Variants in DNHD1 observed in about 807,000 individuals in gnomAD.
DNHD1 encodes the protein dynein heavy chain domain 1.
In DNHD1, 383 loss-of-function variants were observed where a neutral mutation model predicts 458.1. That is an observed-to-expected ratio of 0.84 (90% CI 0.77 to 0.91). The LOEUF (loss-of-function observed/expected upper bound fraction) is 0.91. DNHD1 is among the 40% of genes least tolerant of loss of function. The probability of loss-of-function intolerance (pLI) is 0.00; values close to 1 mark genes in which losing one functional copy is unlikely to be tolerated. For synonymous variants in DNHD1, 2,203 were observed against 2,376.9 expected (o/e 0.93, Z 2.13); for missense variants, 5,336 against 5,866.1 (o/e 0.91, Z 2.95).
At chr11:6,570,197 T>C in intron 40 of DNHD1, 50 bp from the exon 41 acceptor site, 3 of 1,613,640 alleles carry the variant, frequency 1.9e-6, no homozygotes, top group Non-Finnish European at 2.5e-6. Flanking sequence ...GTTTTGGCGG[T>C]GGTGGAAACT....
In DNHD1 at chr11:6,571,262, T is replaced by G; in HGVS notation, c.13750T>G (p.Ser4584Ala). 1.2e-6 allele frequency: 2 copies of G among 1,612,640 alleles called. No individual in the cohort carries two copies. Among genetic ancestry groups the G allele is most frequent in the Non-Finnish European group, 8.5e-7 (1 of 1,179,716 alleles). Residue 4584 changes from serine to alanine, a missense_variant, in exon 42 of 43, where the codon TCA (serine) becomes GCA (alanine). By Grantham distance (99) the Ser-to-Ala change is moderately conservative. This residue lies in a region of DNHD1 where 698 missense variants were observed against 664.9 expected (regional missense o/e 1.05). Transcript: ENST00000254579. This position sits in a 1 kb window ranked among gnomAD's most constrained non-coding sequence, Gnocchi z 5.0. ...SDVPERVFHLSAFRHPRRLLL... is the reference protein window; with the variant it reads ...SDVPERVFHLAAFRHPRRLLL... ...TGTACCAGAGCGCGTCTTCCACCTGTCAGCCTTTCGCCACCCGCGCCGCCT... is the reference window on the plus strand; with the variant it reads ...TGTACCAGAGCGCGTCTTCCACCTGGCAGCCTTTCGCCACCCGCGCCGCCT...
At chr11:6,542,884 G>T (rs545153186) in intron 18 of DNHD1, among the ~76,000 whole-genome samples, 1 of 152,292 alleles carries the variant, frequency 6.6e-6, no homozygotes, top group South Asian at 2.1e-4. Context: ...ACACAGCTTG[G>T]ATCTAGGTCA....
chr11:6,539,963 C>T lies in DNHD1; in HGVS notation c.3508C>T (p.Leu1170Phe). The change falls in exon 18 of 43, where the codon CTC becomes TTC. Residue 1170 changes from leucine to phenylalanine, a missense_variant. Coordinates refer to ENST00000254579, the MANE Select transcript of DNHD1 (RefSeq NM_144666.3). ...CTGGGAAGCGCGCCAGCTGCGCCTGCTCAACTTCATCCTGCATGTACCCTA... is the reference window on the plus strand; with the variant it reads ...CTGGGAAGCGCGCCAGCTGCGCCTGTTCAACTTCATCCTGCATGTACCCTA... ...RYWEARQLRL[L>F]NFILHVPYEP... is the part of the protein sequence containing the mutation. 1 of 1,551,754 alleles carries T rather than the reference C, an allele frequency of 6.4e-7. No individual in the cohort carries two copies. Among genetic ancestry groups the T allele is most frequent in the Non-Finnish European group, 8.7e-7 (1 of 1,146,986 alleles).
intron 4 of DNHD1, among the ~76,000 whole-genome samples, chr11:6,507,461 T>C (rs1564995170): frequency 6.6e-6 from 1 of 152,354 alleles, no homozygotes; most frequent in Non-Finnish European, 1.5e-5. Context: ...AAAGCATTTA[T>C]TTTTATTTTT....
chr11:6,562,315 A>G (rs1853603096), intron 28 of DNHD1, among the ~76,000 whole-genome samples: 2 of 152,116 alleles, frequency 1.3e-5, no homozygotes, highest in Non-Finnish European at 2.9e-5. Context: ...AGGACGCATA[A>G]CCAATACATT....
chr11:6,557,268 G>C lies in DNHD1; in HGVS notation c.7973G>C (p.Arg2658Pro), dbSNP rs568063168. 6.4e-7 allele frequency: 1 copy of C among 1,551,548 alleles called. No homozygotes were observed. The highest frequency in any genetic ancestry group is 1.2e-5 in the South Asian group (1 of 84,068). Residue 2658 changes from arginine to proline, a missense_variant, in exon 25 of 43, where the codon CGG becomes CCG. By Grantham distance (103) the Arg-to-Pro change is moderately radical. Transcript: ENST00000254579. ...GAGGCACAGAGAACCTTTTGCGACC[G>C]GCTGGACAGCCCCAGGGAACGCTCC... Reference protein sequence around the residue: ...LHEAQRTFCDRLDSPRERSYC... With the variant: ...LHEAQRTFCDPLDSPRERSYC...
At chr11:6,506,349 C>T (rs997197551) in intron 4 of DNHD1, among the ~76,000 whole-genome samples, 1 of 152,076 alleles carries the variant, frequency 6.6e-6, no homozygotes, top group Non-Finnish European at 1.5e-5. Flanking sequence ...GGGTCTCGAC[C>T]CAAAGGCTGG....
chr11:6,501,010 AAGTCT>A (rs1589863517), intron 3 of DNHD1, among the ~76,000 whole-genome samples: 2 of 152,110 alleles, frequency 1.3e-5, no homozygotes, highest in African/African-American at 4.8e-5. Flanking sequence ...GGGAGTGTTC[AAGTCT>A]AGATTAGATT....
intron 6 of DNHD1, among the ~76,000 whole-genome samples, chr11:6,510,637 A>G (rs1476180758): frequency 6.6e-6 from 1 of 152,136 alleles, no homozygotes; most frequent in Non-Finnish European, 1.5e-5. Context: ...ACTCGGATAA[A>G]GATTTCTAGA....
At chr11:6,511,049 C>G (rs1286392093) in intron 6 of DNHD1, among the ~76,000 whole-genome samples, 1 of 152,196 alleles carries the variant, frequency 6.6e-6, no homozygotes, top group South Asian at 2.1e-4. Context: ...CTTGCACATA[C>G]CCCAAGCCTT....
rs1266005522 is a variant in DNHD1 at position 6,565,983 on chromosome 11, C to T, written c.11045C>T (p.Ala3682Val). 8 of 1,551,492 alleles carry T rather than the reference C, an allele frequency of 5.2e-6. No homozygotes were observed. In the Admixed American group the frequency reaches 1.6e-4, roughly 30 times the overall value. Reference protein sequence around the residue: ...PELGSQLQEAAACGLPVLLTN... With the variant: ...PELGSQLQEAVACGLPVLLTN... ...CTGGGTTCTCAGCTCCAGGAGGCAG[C>T]TGCTTGTGGTGAGAGCTGGTCCCCA... Residue 3682 changes from alanine to valine, a missense_variant, in exon 33 of 43, where the codon GCT (alanine) becomes GTT (valine). This residue lies in a region of DNHD1 where 695 missense variants were observed against 804.2 expected (regional missense o/e 0.86). Transcript: ENST00000254579.
intron 12 of DNHD1, 39 bp downstream of exon 12, chr11:6,529,160 C>G (rs773842928): frequency 2.6e-5 from 40 of 1,546,474 alleles, no homozygotes; most frequent in Non-Finnish European, 3.3e-5. Flanking sequence ...CTTCCCTTTT[C>G]TGTATGTCTA....
At chr11:6,502,129 A>G (rs1589863970) in intron 3 of DNHD1, among the ~76,000 whole-genome samples, 5 of 152,330 alleles carry the variant, frequency 3.3e-5, no homozygotes, top group Admixed American at 2.0e-4. Flanking sequence ...ACTAATTTCC[A>G]TACCAATTTT....
At position 6,498,513 on chromosome 11, in the gene DNHD1, G is replaced by A. The variant is rs757479667; in HGVS notation, c.298G>A (p.Gly100Ser). Residue 100 changes from glycine to serine, a missense_variant, in exon 3 of 43, where the codon GGC (glycine) becomes AGC (serine). Gly to Ser is a moderately conservative substitution (Grantham distance 56, BLOSUM62 0). This residue lies in a region of DNHD1 where 3,932 missense variants were observed against 4,365.6 expected (regional missense o/e 0.90). Transcript: ENST00000254579. The stretch of plus-strand genomic sequence containing the variant: ...GCCTCCATATCGTGAGTTGCTAGTT[G>A]GCCACCTTGATTTGCTGCCCTTCCT... Reference protein sequence around the residue: ...LLPPYRELLVGHLDLLPFLEQ... With the variant: ...LLPPYRELLVSHLDLLPFLEQ... 9.9e-6 allele frequency: 16 copies of A among 1,614,158 alleles called. No individual in the cohort carries two copies. The South Asian group carries it at 1.8e-4, about 18-fold the overall frequency.
At chr11:6,569,413 G>A (rs1350391292) in intron 39 of DNHD1, among the ~76,000 whole-genome samples, 2 of 152,040 alleles carry the variant, frequency 1.3e-5, no homozygotes, top group African/African-American at 2.4e-5. Context: ...AACCTGGGAG[G>A]TGGAGCTTGC....
chr11:6,515,039 C>T (rs1047210130), intron 7 of DNHD1, among the ~76,000 whole-genome samples: 9 of 152,168 alleles, frequency 5.9e-5, no homozygotes, highest in African/African-American at 1.9e-4. Flanking sequence ...CTCCCATGAT[C>T]AGAACATTGA....
At chr11:6,552,520 G>A (rs543923566) in intron 24 of DNHD1, among the ~76,000 whole-genome samples, 145 of 151,884 alleles carry the variant, frequency 9.5e-4, no homozygotes, top group African/African-American at 3.3e-3. Flanking sequence ...GCAAAACTTC[G>A]TCCCAAAAAA....
chr11:6,521,737 G>C lies in DNHD1; in HGVS notation c.1837+1448G>C, dbSNP rs1490743486. ...AATCAAAACCAAAGTTCTTTTTGTT[G>C]TTTGTTTGTTTTCAAGACAGGGTCT... is the stretch of plus-strand genomic sequence containing the variant. On this transcript the variant is annotated intron_variant, in intron 10 of 42. Transcript: ENST00000254579. Among the ~76,000 whole-genome samples, 14 of 152,208 alleles carry C rather than the reference G, an allele frequency of 9.2e-5. No individual in the cohort carries two copies. The East Asian group carries it at 2.7e-3, about 29-fold the overall frequency.
chr11:6,513,639 G>A (rs1010538495), intron 7 of DNHD1, among the ~76,000 whole-genome samples: 1 of 152,168 alleles, frequency 6.6e-6, no homozygotes. Context: ...GTTGGTTCCA[G>A]TTTTTTACTA....
Sources: gnomAD v4.1 joint callset for allele counts (sites outside exome capture counted in the v4.1 genomes callset) on GRCh38, gnomAD v4.1.1 for gene constraint, gnomAD v4.1.1 regional missense constraint, Gnocchi (gnomAD v3.1) non-coding constraint, MANE v1.5 for transcripts, NCBI Gene and HGNC (gene_info 2026-07-23, HGNC 2026-07-21) for gene names.